The following MAGI1 variants were observed in gnomAD, a reference collection of about 807,000 sequenced individuals.
The protein encoded by MAGI1 is membrane-associated guanylate kinase, WW and PDZ domain-containing protein 1.
A neutral mutation model predicts 139.9 loss-of-function variants in MAGI1; 58 were observed. That is an observed-to-expected ratio of 0.41 (90% CI 0.34 to 0.52). The LOEUF is 0.52. MAGI1 is among the 20% of genes least tolerant of loss of function. The pLI, the probability that MAGI1 is intolerant of heterozygous loss-of-function variation, is 0.12. For synonymous variants in MAGI1, 812 were observed against 737.9 expected (o/e 1.10, Z -1.63); for missense variants, 1,874 against 1,901.6 (o/e 0.99, Z 0.27).
intron 17 of MAGI1, among the ~76,000 whole-genome samples, chr3:65,377,331 G>C (rs1434147508): frequency 6.6e-6 from 1 of 152,144 alleles, no homozygotes; most frequent in Non-Finnish European, 1.5e-5. Flanking sequence ...TGATCTCCAA[G>C]GACAATTGGT....
chr3:65,552,260 GT>G (rs1314950347), intron 2 of MAGI1, among the ~76,000 whole-genome samples: 7 of 40,212 alleles, frequency 1.7e-4, no homozygotes, highest in African/African-American at 1.5e-3. Flanking sequence ...GTGTATAGGG[GT>G]GTGTGTGTGT....
chr3:65,695,097 C>T (rs1261196389), intron 1 of MAGI1, among the ~76,000 whole-genome samples: 1 of 152,106 alleles, frequency 6.6e-6, no homozygotes, highest in African/African-American at 2.4e-5. Flanking sequence ...CTTATTAATA[C>T]ACAAATGCCA....
chr3:65,645,613 A>C (rs2085215354), intron 1 of MAGI1, among the ~76,000 whole-genome samples: 1 of 152,170 alleles, frequency 6.6e-6, no homozygotes, highest in South Asian at 2.1e-4. Flanking sequence ...AAACAATGAA[A>C]AGAGTAAAAG....
At chr3:65,743,556 A>T (rs2035447546) in intron 1 of MAGI1, among the ~76,000 whole-genome samples, 1 of 151,190 alleles carries the variant, frequency 6.6e-6, no homozygotes, top group African/African-American at 2.4e-5. Flanking sequence ...AAAAATACAA[A>T]AAATTAGCCG....
At chr3:65,804,825 A>T (rs1575561666) in intron 1 of MAGI1, among the ~76,000 whole-genome samples, 1 of 152,316 alleles carries the variant, frequency 6.6e-6, no homozygotes, top group East Asian at 1.9e-4. Context: ...GGACAAAAAC[A>T]ATCAATGGAG....
intron 1 of MAGI1, among the ~76,000 whole-genome samples, chr3:65,945,333 G>C (rs890601334): frequency 6.6e-6 from 1 of 152,190 alleles, no homozygotes; most frequent in African/African-American, 2.4e-5. Context: ...ACTAAACTTA[G>C]TACCCAATAG....
At chr3:65,983,705 T>C (rs555368475) in intron 1 of MAGI1, among the ~76,000 whole-genome samples, 129 of 152,284 alleles carry the variant, frequency 8.5e-4, no homozygotes, top group African/African-American at 3.0e-3. Context: ...ATGCCCTGGC[T>C]AACACAGTCA....
chr3:65,609,782 GC>G (rs2082948603), intron 2 of MAGI1: 4 of 345,796 alleles, frequency 1.2e-5, no homozygotes, highest in East Asian at 1.1e-4. Context: ...TCCCAATGTT[GC>G]CCAGGCTGGT....
chr3:66,024,315 T>TAAAAAA (rs34593257), intron 1 of MAGI1, among the ~76,000 whole-genome samples: 15 of 95,740 alleles, frequency 1.6e-4, no homozygotes, highest in East Asian at 6.2e-4. Context: ...CAAAGTTCAT[T>TAAAAAA]AAAAAAAAAA....
rs554680522 is a variant in MAGI1 at position 65,440,224 on chromosome 3, T to C, written c.1137-212A>G. ...GCACTAAGCACTGGGCTACCAGTTT[T>C]ATATGCATTTTATTTAAAAGTCCTC... On this transcript the variant is annotated intron_variant, in intron 8 of 22. Coordinates refer to ENST00000402939, the MANE Select transcript of MAGI1 (RefSeq NM_001033057.2). Among the ~76,000 whole-genome samples, 24 of 152,360 alleles carry C rather than the reference T, an allele frequency of 1.6e-4. 1 individual carries two copies. In the South Asian group the frequency reaches 4.8e-3, roughly 30 times the overall value.
At chr3:65,556,826 C>G (rs2080105914) in intron 2 of MAGI1, among the ~76,000 whole-genome samples, 1 of 152,152 alleles carries the variant, frequency 6.6e-6, no homozygotes, top group Admixed American at 6.5e-5. Context: ...TTAATATGAC[C>G]TAAAAGGACA....
intron 2 of MAGI1, among the ~76,000 whole-genome samples, chr3:65,520,307 A>C (rs547312047): frequency 7.2e-5 from 11 of 152,376 alleles, no homozygotes; most frequent in African/African-American, 2.6e-4. Flanking sequence ...GTAAGGGAAA[A>C]GATAGTTCCT....
chr3:65,783,987 G>A (rs1463712582), intron 1 of MAGI1, among the ~76,000 whole-genome samples: 6 of 151,952 alleles, frequency 3.9e-5, no homozygotes, highest in South Asian at 2.1e-4. Flanking sequence ...GCTGAGCATC[G>A]TGGCAGGCAC....
chr3:65,927,247 G>C (rs1273244177), intron 1 of MAGI1, among the ~76,000 whole-genome samples: 1 of 152,140 alleles, frequency 6.6e-6, no homozygotes, highest in East Asian at 1.9e-4. Flanking sequence ...GCAAGATCCA[G>C]GGACCCTCTC....
chr3:65,608,567 AT>A (rs775075266), intron 2 of MAGI1, among the ~76,000 whole-genome samples: 13 of 152,248 alleles, frequency 8.5e-5, no homozygotes, highest in Non-Finnish European at 1.6e-4. Flanking sequence ...AAAAATGCAA[AT>A]TAAGATCACA....
intron 1 of MAGI1, among the ~76,000 whole-genome samples, chr3:65,899,851 T>C (rs917910169): frequency 2.0e-5 from 3 of 152,202 alleles, no homozygotes; most frequent in Non-Finnish European, 4.4e-5. Context: ...CCCTTCCTGA[T>C]GCACTAATTT....
intron 1 of MAGI1, among the ~76,000 whole-genome samples, chr3:65,788,829 G>A (rs2039566735): frequency 6.6e-6 from 1 of 152,112 alleles, no homozygotes; most frequent in Non-Finnish European, 1.5e-5. Context: ...GGAAAATTTA[G>A]AGAAGTTTAT....
intron 1 of MAGI1, among the ~76,000 whole-genome samples, chr3:66,004,787 G>A (rs1050678407): frequency 6.6e-6 from 1 of 152,086 alleles, no homozygotes; most frequent in Non-Finnish European, 1.5e-5. Flanking sequence ...AGGCATCTTC[G>A]ACTATCGCAG....
At chr3:65,425,101 G>A (rs1164432323) in intron 12 of MAGI1, among the ~76,000 whole-genome samples, 1 of 51,220 alleles carries the variant, frequency 2.0e-5, no homozygotes, top group Non-Finnish European at 4.8e-5. Context: ...CCTACCAGTA[G>A]AACTTCTAAA....
Sources: gnomAD v4.1 joint callset for allele counts (sites outside exome capture counted in the v4.1 genomes callset) on GRCh38, gnomAD v4.1.1 for gene constraint, MANE v1.5 for transcripts, NCBI Gene and HGNC (gene_info 2026-07-23, HGNC 2026-07-21) for gene names.